The following TEC variants were observed in gnomAD, a reference collection of about 807,000 sequenced individuals.
TEC encodes tyrosine-protein kinase Tec.
A neutral mutation model predicts 93.0 loss-of-function variants in TEC; 72 were observed. The observed-to-expected ratio is 0.77, with a 90% CI of 0.64 to 0.94. The LOEUF (loss-of-function observed/expected upper bound fraction) is 0.94, where lower values mean the gene tolerates loss of function less well. Among genes scored for constraint, TEC ranks in the 40% least tolerant of loss-of-function variants. TEC has a pLI of 0.00. For missense variants in TEC, 630 were observed against 757.9 expected (o/e 0.83, Z 1.98); for synonymous variants, 249 against 247.7 (o/e 1.01, Z -0.05).
chr4:48,245,208 G>A (rs762638280), intron 1 of TEC, among the ~76,000 whole-genome samples: 2 of 151,438 alleles, frequency 1.3e-5, no homozygotes, highest in Admixed American at 1.3e-4. Flanking sequence ...CAGGAGAATC[G>A]CTTTAACCAG....
intron 2 of TEC, among the ~76,000 whole-genome samples, chr4:48,223,136 AAT>A (rs1272327968): frequency 8.1e-6 from 1 of 123,312 alleles, no homozygotes; most frequent in African/African-American, 2.9e-5. Context: ...GTATAAAGAC[AAT>A]ATATACACAA....
chr4:48,198,541 A>G (rs1052151663), intron 2 of TEC, among the ~76,000 whole-genome samples: 15 of 152,216 alleles, frequency 9.9e-5, no homozygotes, highest in Non-Finnish European at 7.3e-5. Flanking sequence ...TATCTTTACA[A>G]TTTACCAATT....
chr4:48,148,978 T>C (rs1489548660), intron 11 of TEC, among the ~76,000 whole-genome samples: 1 of 152,180 alleles, frequency 6.6e-6, no homozygotes, highest in Non-Finnish European at 1.5e-5. Flanking sequence ...TCCAGCTCCA[T>C]CCATGTCCCT....
At chr4:48,165,609 T>G (rs1050426068) in intron 7 of TEC, among the ~76,000 whole-genome samples, 6 of 152,198 alleles carry the variant, frequency 3.9e-5, no homozygotes, top group African/African-American at 1.4e-4. Context: ...GAGATCACCT[T>G]CTAATGTGAT....
intron 8 of TEC, among the ~76,000 whole-genome samples, chr4:48,160,309 C>CT (rs779104336): frequency 1.5e-4 from 23 of 152,166 alleles, no homozygotes; most frequent in Admixed American, 3.9e-4. Flanking sequence ...AATTTGCCTA[C>CT]TGTTATGCTA....
rs1219673761 is a variant in TEC at position 48,137,089 on chromosome 4, A to G, written c.*327T>C. 2 of 242,044 alleles carry G rather than the reference A, an allele frequency of 8.3e-6. No homozygotes were observed. The highest frequency in any genetic ancestry group is 1.6e-5 in the Non-Finnish European group (2 of 125,818). The allele number at this position is 242,044 out of a possible 1,614,324, so 15.0% of individuals were successfully genotyped here. ...AATACCCTGGCCTTCAACTGGCATCAGCTAACATGGTCCCATGTGTGCACC... is the reference window on the plus strand; with the variant it reads ...AATACCCTGGCCTTCAACTGGCATCGGCTAACATGGTCCCATGTGTGCACC... On this transcript the variant is annotated 3_prime_UTR_variant, in exon 18 of 18. Transcript: ENST00000381501.
chr4:48,148,093 G>A (rs1265587246), intron 11 of TEC, among the ~76,000 whole-genome samples: 1 of 152,058 alleles, frequency 6.6e-6, no homozygotes, highest in Non-Finnish European at 1.5e-5. Context: ...CTGGTGAAGG[G>A]GGATGGGATG....
intron 2 of TEC, among the ~76,000 whole-genome samples, chr4:48,225,348 T>C (rs558382791): frequency 1.1e-4 from 16 of 152,228 alleles, no homozygotes; most frequent in South Asian, 6.2e-4. Context: ...CTAATTTTTT[T>C]GTATGTTTAG....
chr4:48,268,521 T>A (rs1724699391), intron 1 of TEC, among the ~76,000 whole-genome samples: 1 of 152,260 alleles, frequency 6.6e-6, no homozygotes, highest in African/African-American at 2.4e-5. Flanking sequence ...ATACATAATG[T>A]GAAAGTTACC....
chr4:48,268,566 A>G (rs920780743), intron 1 of TEC, among the ~76,000 whole-genome samples: 4 of 152,224 alleles, frequency 2.6e-5, no homozygotes, highest in African/African-American at 9.6e-5. Flanking sequence ...ATAAATCTTA[A>G]TATCCCTTAC....
chr4:48,148,141 A>T (rs1240572508), intron 11 of TEC, among the ~76,000 whole-genome samples: 4 of 152,184 alleles, frequency 2.6e-5, no homozygotes, highest in Non-Finnish European at 5.9e-5. Context: ...TGGGATGATG[A>T]CAATGTTCTT....
chr4:48,240,190 T>C (rs962959064), intron 1 of TEC, among the ~76,000 whole-genome samples: 3 of 152,142 alleles, frequency 2.0e-5, no homozygotes, highest in South Asian at 2.1e-4. Flanking sequence ...AGGGGTTCCT[T>C]ATATCATCCT....
intron 5 of TEC, among the ~76,000 whole-genome samples, chr4:48,168,928 A>C (rs1034491866): frequency 6.6e-6 from 1 of 152,238 alleles, no homozygotes; most frequent in Non-Finnish European, 1.5e-5. Flanking sequence ...TCATGGAATC[A>C]AACATTGAAA....
intron 15 of TEC, among the ~76,000 whole-genome samples, chr4:48,139,868 T>C (rs369360496): frequency 6.6e-6 from 1 of 152,370 alleles, no homozygotes; most frequent in East Asian, 1.9e-4. Flanking sequence ...TAGACAAAGA[T>C]GGTGACTCGG....
intron 1 of TEC, among the ~76,000 whole-genome samples, chr4:48,260,820 C>T (rs1456153912): frequency 2.6e-5 from 4 of 152,152 alleles, no homozygotes; most frequent in Admixed American, 6.5e-5. Context: ...TTTTCTAGAA[C>T]ATTGCTAAAG....
intron 2 of TEC, among the ~76,000 whole-genome samples, chr4:48,226,753 G>T (rs1175913550): frequency 6.6e-6 from 1 of 151,894 alleles, no homozygotes; most frequent in Non-Finnish European, 1.5e-5. Context: ...ACTGCACAAG[G>T]GTTGGTGTCC....
intron 2 of TEC, among the ~76,000 whole-genome samples, chr4:48,187,608 CTT>C (rs1721935355): frequency 6.6e-6 from 1 of 152,138 alleles, no homozygotes; most frequent in South Asian, 2.1e-4. Context: ...CCACTTAAGA[CTT>C]TTCCATACCT....
At chr4:48,177,239 C>A (rs1235033402) in intron 2 of TEC, among the ~76,000 whole-genome samples, 1 of 152,126 alleles carries the variant, frequency 6.6e-6, no homozygotes, top group Non-Finnish European at 1.5e-5. Flanking sequence ...TTATTACAAA[C>A]ACAATGTAGA....
chr4:48,167,232 A>G (rs3913948), intron 7 of TEC, among the ~76,000 whole-genome samples: 56,729 of 151,978 alleles, frequency 0.37, 11,618 homozygotes, highest in East Asian at 0.9. Context: ...GTACATATAT[A>G]TATTTTATAT....
Sources: allele counts gnomAD v4.1 joint callset (sites outside exome capture counted in the v4.1 genomes callset), GRCh38; gene constraint gnomAD v4.1.1; transcripts MANE v1.5; gene names NCBI Gene and HGNC (gene_info 2026-07-23, HGNC 2026-07-21).